PKP2: variants seen among roughly 807,000 people sequenced by gnomAD.
PKP2 encodes plakophilin 2, also known as plakophilin-2.
A neutral mutation model predicts 83.4 loss-of-function variants in PKP2; 73 were observed. The ratio of observed to expected loss-of-function variants is 0.88; its 90% confidence interval spans 0.72 to 1.06. The LOEUF (loss-of-function observed/expected upper bound fraction) is 1.06, where lower values mean the gene tolerates loss of function less well. Among genes scored for constraint, PKP2 ranks in the 50% least tolerant of loss-of-function variants. The pLI is 0.00. For synonymous variants in PKP2, 409 were observed against 430.4 expected (o/e 0.95, Z 0.62); for missense variants, 966 against 1,065.4 (o/e 0.91, Z 1.30).
At position 32,848,549 on chromosome 12, in the gene PKP2, C is replaced by G. The variant is rs149094297; in HGVS notation, c.1378+2217G>C. 3.1e-3 allele frequency among the ~76,000 whole-genome samples: 474 copies of G among 152,126 alleles called. 3 individuals carry two copies. Among genetic ancestry groups the G allele is most frequent in the African/African-American group, 0.011 (453 of 41,486 alleles). On this transcript the variant is annotated intron_variant, in intron 5 of 12. Transcript: ENST00000340811. ...TACAGCTGGAGGTCATTATCCTAAG[C>G]AAATTAATGCAAAAACAAAAAATCA...
At chr12:32,883,592 A>T (rs535896943) in intron 1 of PKP2, among the ~76,000 whole-genome samples, 1 of 152,334 alleles carries the variant, frequency 6.6e-6, no homozygotes, top group African/African-American at 2.4e-5. Flanking sequence ...CCAACATGAA[A>T]ATCCAGATTT....
intron 9 of PKP2, among the ~76,000 whole-genome samples, chr12:32,812,641 T>G (rs893709622): frequency 2.0e-5 from 3 of 152,140 alleles, no homozygotes; most frequent in African/African-American, 7.2e-5. Flanking sequence ...TAGCTGGGAC[T>G]ACAGGCGCCC....
intron 4 of PKP2, among the ~76,000 whole-genome samples, chr12:32,852,427 G>A (rs1180695991): frequency 6.6e-6 from 1 of 152,088 alleles, no homozygotes; most frequent in African/African-American, 2.4e-5. Context: ...TTGGAGAAAA[G>A]ACTAGAAAGG....
chr12:32,858,103 A>ATT (rs1283821721), intron 4 of PKP2, among the ~76,000 whole-genome samples: 49 of 94,586 alleles, frequency 5.2e-4, no homozygotes, highest in African/African-American at 2.4e-3. Flanking sequence ...ATATATATAT[A>ATT]TATATATATA....
At chr12:32,829,332 GC>G (rs1565583263) in intron 6 of PKP2, among the ~76,000 whole-genome samples, 1 of 150,686 alleles carries the variant, frequency 6.6e-6, no homozygotes, top group Non-Finnish European at 1.5e-5. Flanking sequence ...ACAGCTCACT[GC>G]AGCCTTAACC....
intron 6 of PKP2, 36 bp downstream of exon 6, chr12:32,840,992 G>A: frequency 1.3e-6 from 2 of 1,547,486 alleles, no homozygotes; most frequent in Non-Finnish European, 1.8e-6. Context: ...ATTTTTTATT[G>A]CATCTTCTAT....
In PKP2 at chr12:32,821,089, C is replaced by G. The variant is rs373368292; in HGVS notation, c.2013+267G>C. On this transcript the variant is annotated intron_variant, in intron 9 of 12. Transcript: ENST00000340811. ...ACCCTGGAGTTTTCAGTGCCATAAG[C>G]CAAAAATTTCCTCTTTTTTGCTTAA... 6.6e-4 allele frequency: 287 copies of G among 433,386 alleles called. 4 individuals are homozygous for G. The highest frequency in any genetic ancestry group is 6.1e-3 in the South Asian group (275 of 45,392). 26.8% of individuals were successfully genotyped at this position (433,386 alleles called of 1,614,324 possible). A position where few individuals can be genotyped will look rare whatever the true frequency, so the allele number is the denominator to read the frequency against.
intron 4 of PKP2, among the ~76,000 whole-genome samples, chr12:32,851,364 C>A (rs1403391992): frequency 6.6e-6 from 1 of 151,994 alleles, no homozygotes; most frequent in African/African-American, 2.4e-5. Context: ...AAGTTTTTTC[C>A]TAAGACAAAA....
intron 6 of PKP2, 58 bp downstream of exon 6, chr12:32,840,970 T>C: frequency 7.6e-7 from 1 of 1,308,484 alleles, no homozygotes; most frequent in Non-Finnish European, 1.1e-6. Flanking sequence ...CTGACTTCCT[T>C]GGGGCTACCT....
intron 10 of PKP2, among the ~76,000 whole-genome samples, chr12:32,801,190 C>T (rs541568200): frequency 3.9e-5 from 6 of 152,280 alleles, no homozygotes; most frequent in African/African-American, 7.2e-5. Flanking sequence ...TATACCTTCC[C>T]GACATTTAGG....
At chr12:32,825,491 G>A (rs1956430221) in intron 6 of PKP2, among the ~76,000 whole-genome samples, 2 of 152,116 alleles carry the variant, frequency 1.3e-5, no homozygotes, top group South Asian at 2.1e-4. Context: ...TCTTTTACTG[G>A]TAGGTAGAAT....
intron 9 of PKP2, among the ~76,000 whole-genome samples, chr12:32,804,990 C>T (rs2137731523): frequency 6.6e-6 from 1 of 152,260 alleles, no homozygotes; most frequent in African/African-American, 2.4e-5. Context: ...TTAATAATCA[C>T]CATTCTGACT....
intron 6 of PKP2, among the ~76,000 whole-genome samples, chr12:32,834,470 C>T (rs909895125): frequency 6.6e-6 from 1 of 152,070 alleles, no homozygotes; most frequent in African/African-American, 2.4e-5. Flanking sequence ...AAGAATGAGG[C>T]CACTAACAGA....
chr12:32,812,076 G>A lies in PKP2; in HGVS notation c.2013+9280C>T, dbSNP rs74891290. 4.8e-3 allele frequency among the ~76,000 whole-genome samples: 725 copies of A among 150,496 alleles called. 10 individuals are homozygous for A. The highest frequency in any genetic ancestry group is 0.017 in the African/African-American group (681 of 41,036). On this transcript the variant is annotated intron_variant, in intron 9 of 12. Transcript: ENST00000340811. Reference sequence around the variant, plus strand: ...TGCGTGGGGGAAACTGGGTGTATGTGGAAAAGATATATGGCAGCTGAAGGG... The same window carrying A: ...TGCGTGGGGGAAACTGGGTGTATGTAGAAAAGATATATGGCAGCTGAAGGG...
At chr12:32,857,739 T>C (rs1956762037) in intron 4 of PKP2, among the ~76,000 whole-genome samples, 1 of 152,070 alleles carries the variant, frequency 6.6e-6, no homozygotes, top group South Asian at 2.1e-4. Flanking sequence ...AACCAGTCTT[T>C]GTTCTACCTT....
intron 1 of PKP2, among the ~76,000 whole-genome samples, chr12:32,887,298 T>C (rs930338462): frequency 6.6e-6 from 1 of 152,194 alleles, no homozygotes; most frequent in African/African-American, 2.4e-5. Flanking sequence ...ATTGCTGTTA[T>C]CACTCACACG....
chr12:32,791,285 ATCT>A lies in PKP2; in HGVS notation c.*1136_*1138del, dbSNP rs1956063341. On this transcript the variant is annotated 3_prime_UTR_variant, in exon 13 of 13. Transcript: ENST00000340811. ...CTGGATGGTCTTGACACATTCTTAC[ATCT>A]TCTTCAACATGACTTCTTCACTTTT... 1.3e-5 allele frequency: 2 copies of A among 152,210 alleles called. No homozygotes were observed. Among genetic ancestry groups the A allele is most frequent in the African/African-American group, 2.4e-5 (1 of 41,466 alleles). The allele number at this position is 152,210 out of a possible 1,614,324, so 9.4% of individuals were successfully genotyped here.
At position 32,796,308 on chromosome 12, in the gene PKP2, G is replaced by T. The variant is rs1410924735; in HGVS notation, c.2168-10C>A. ...GGGAGAGTTTCTTTGGCTACAAAAT[G>T]AAAAAAAAAACAAAACACTTGATTA... is the stretch of plus-strand genomic sequence containing the variant. On this transcript the variant is annotated splice_polypyrimidine_tract_variant and intron_variant, in intron 10 of 12. Coordinates refer to ENST00000340811, the MANE Select transcript of PKP2 (RefSeq NM_001005242.3). The T allele has an allele frequency of 2.6e-4, 367 of 1,415,442 alleles. No homozygotes were observed. Among genetic ancestry groups the T allele is most frequent in the East Asian group, 9.3e-4 (36 of 38,742 alleles). The allele number at this position is 1,415,442 out of a possible 1,614,324, so 87.7% of individuals were successfully genotyped here.
At chr12:32,853,316 A>T (rs1347540653) in intron 4 of PKP2, among the ~76,000 whole-genome samples, 2 of 151,966 alleles carry the variant, frequency 1.3e-5, no homozygotes, top group African/African-American at 2.4e-5. Context: ...AAAATCTGAA[A>T]AACCCTAAAT....
Sources: allele counts gnomAD v4.1 joint callset (sites outside exome capture counted in the v4.1 genomes callset), GRCh38; gene constraint gnomAD v4.1.1; transcripts MANE v1.5; gene names NCBI Gene and HGNC (gene_info 2026-07-23, HGNC 2026-07-21).